Variants in DPP6 observed in about 807,000 individuals in gnomAD.
DPP6 encodes the protein A-type potassium channel modulatory protein DPP6.
A neutral mutation model predicts 122.6 loss-of-function variants in DPP6; 69 were observed. The observed-to-expected ratio is 0.56, with a 90% CI of 0.46 to 0.69. DPP6 has a LOEUF of 0.69. DPP6 is among the 30% of genes least tolerant of loss of function. The probability of loss-of-function intolerance (pLI) is 0.00; values close to 1 mark genes in which losing one functional copy is unlikely to be tolerated. For missense variants in DPP6, 928 were observed against 1,116.9 expected (o/e 0.83, Z 2.41); for synonymous variants, 418 against 433.1 (o/e 0.97, Z 0.43).
intron 7 of DPP6, among the ~76,000 whole-genome samples, chr7:154,672,658 T>C (rs1385230968): frequency 2.0e-5 from 3 of 152,228 alleles, no homozygotes; most frequent in Non-Finnish European, 4.4e-5. Flanking sequence ...TGCTATATAC[T>C]TGTGGAACTT....
intron 1 of DPP6, among the ~76,000 whole-genome samples, chr7:154,283,240 T>C (rs2150953857): frequency 6.6e-6 from 1 of 152,264 alleles, no homozygotes; most frequent in Non-Finnish European, 1.5e-5. Flanking sequence ...AAGCATGAAC[T>C]CTGCAGCCAC....
chr7:153,973,132 A>C (rs941856192), intron 1 of DPP6, among the ~76,000 whole-genome samples: 6 of 151,850 alleles, frequency 4.0e-5, no homozygotes, highest in Non-Finnish European at 5.9e-5. Flanking sequence ...TTTTTTAGTG[A>C]AAAGTGTGGA....
intron 16 of DPP6, among the ~76,000 whole-genome samples, chr7:154,811,966 A>G (rs1335628209): frequency 6.6e-6 from 1 of 152,254 alleles, no homozygotes. Flanking sequence ...TAGGTTGAGG[A>G]TAAATGTACT....
At chr7:153,837,109 T>C in the DPP6 span, among the ~76,000 whole-genome samples, 1 of 152,188 alleles carries the variant, frequency 6.6e-6, no homozygotes, top group East Asian at 1.9e-4. Flanking sequence ...TAGAGTTTCT[T>C]TTTAGATCAT....
intron 6 of DPP6, among the ~76,000 whole-genome samples, chr7:154,661,722 C>T (rs11972592): frequency 3.3e-5 from 2 of 61,216 alleles, no homozygotes; most frequent in African/African-American, 5.7e-5. Context: ...GCATATTGGC[C>T]GTAGTGTTCA....
At chr7:154,537,048 A>G (rs1257841997) in intron 3 of DPP6, among the ~76,000 whole-genome samples, 2 of 152,180 alleles carry the variant, frequency 1.3e-5, no homozygotes, top group African/African-American at 2.4e-5. Flanking sequence ...GTCATATCAA[A>G]CACAAAGGGT....
intron 7 of DPP6, among the ~76,000 whole-genome samples, chr7:154,671,317 A>T (rs1838539315): frequency 6.6e-6 from 1 of 152,186 alleles, no homozygotes; most frequent in Non-Finnish European, 1.5e-5. Context: ...ACAGCTCTGC[A>T]CCTGGCCTCA....
At chr7:154,490,325 T>G (rs1409490762) in intron 3 of DPP6, among the ~76,000 whole-genome samples, 2 of 152,182 alleles carry the variant, frequency 1.3e-5, no homozygotes, top group Non-Finnish European at 2.9e-5. Flanking sequence ...TCCCTCGTGC[T>G]CTCTCAAGAT....
At chr7:154,198,594 G>A (rs879816764) in intron 1 of DPP6, among the ~76,000 whole-genome samples, 17 of 152,242 alleles carry the variant, frequency 1.1e-4, no homozygotes, top group African/African-American at 3.9e-4. Flanking sequence ...GATTACAGGC[G>A]TGAGCCACTG....
intron 4 of DPP6, among the ~76,000 whole-genome samples, chr7:154,547,732 T>C (rs1430922336): frequency 6.6e-6 from 1 of 152,214 alleles, no homozygotes; most frequent in Admixed American, 6.5e-5. Context: ...CATTATTTCA[T>C]TTTTCTCCTG....
chr7:154,694,168 G>A (rs10271087), intron 7 of DPP6, among the ~76,000 whole-genome samples: 138,746 of 152,152 alleles, frequency 0.91, 63,775 homozygotes, highest in South Asian at 1. Flanking sequence ...GTTGTCTTTT[G>A]TAAGGGCACT....
Position 154,795,829 on chromosome 7 carries a change from T to G in DPP6, c.1261-16T>G, listed in dbSNP as rs368117801. 5.0e-6 allele frequency: 8 copies of G among 1,607,444 alleles called. No homozygotes were observed. The highest frequency in any genetic ancestry group is 6.8e-6 in the Non-Finnish European group (8 of 1,177,446). The stretch of plus-strand genomic sequence containing the variant: ...AAAGAAAAACCCTCTTGTCTAATGC[T>G]CTCATTTCATTTCAGAAACACGAGG... On this transcript the variant is annotated splice_polypyrimidine_tract_variant and intron_variant, in intron 11 of 25. Transcript: ENST00000377770.
intron 1 of DPP6, among the ~76,000 whole-genome samples, chr7:154,108,939 A>G (rs7779774): frequency 0.058 from 8,794 of 152,246 alleles, 815 homozygotes; most frequent in African/African-American, 0.2. Flanking sequence ...AAGTGTGAAA[A>G]TGTTCTTTTT....
At position 154,241,085 on chromosome 7, in the gene DPP6, GAAAA is replaced by G. The variant is rs61463735; in HGVS notation, c.243+188023_243+188026del. On this transcript the variant is annotated intron_variant, in intron 1 of 25. Coordinates refer to ENST00000377770, the MANE Select transcript of DPP6 (RefSeq NM_130797.4). This position sits in a 1 kb window ranked among gnomAD's most constrained non-coding sequence, Gnocchi z 9.0. ...AAGTTCCGTTGATAAATAAATTGAT[GAAAA>G]CCTTTTTTCTTACCATGTAACCACA... Among the ~76,000 whole-genome samples the G allele has an allele frequency of 8.5e-3, 1,299 of 152,040 alleles. 26 individuals are homozygous for G. Among genetic ancestry groups the G allele is most frequent in the African/African-American group, 0.03 (1,239 of 41,458 alleles).
the DPP6 span, among the ~76,000 whole-genome samples, chr7:153,755,017 GTGT>G: frequency 6.6e-6 from 1 of 151,846 alleles, no homozygotes; most frequent in African/African-American, 2.4e-5. Flanking sequence ...GAATTGGTCT[GTGT>G]TGACTGTATT....
At chr7:154,661,787 G>A (rs1447105768) in intron 6 of DPP6, among the ~76,000 whole-genome samples, 2 of 140,938 alleles carry the variant, frequency 1.4e-5, no homozygotes, top group African/African-American at 5.4e-5. Flanking sequence ...CGCAGTCATG[G>A]TGAATCACCA....
intron 1 of DPP6, among the ~76,000 whole-genome samples, chr7:153,962,247 A>G (rs939389014): frequency 6.6e-6 from 1 of 152,096 alleles, no homozygotes; most frequent in Non-Finnish European, 1.5e-5. Flanking sequence ...TAGTCCTGTG[A>G]AACGGTGTTT....
chr7:154,801,901 A>T (rs1335972903), intron 13 of DPP6, among the ~76,000 whole-genome samples: 1 of 151,960 alleles, frequency 6.6e-6, no homozygotes, highest in Non-Finnish European at 1.5e-5. Context: ...TGCAGGTATT[A>T]TTTTATTATG....
rs191406326 is a variant in DPP6, at chr7:154,349,906, A to G, written c.244-96308A>G. The stretch of plus-strand genomic sequence containing the variant: ...AACAAATTTTCAGACTCACTTATGT[A>G]TTTTTCACATGGGTAATCCTTTGAG... On this transcript the variant is annotated intron_variant, in intron 1 of 25. Transcript: ENST00000377770. Among the ~76,000 whole-genome samples, 141 of 152,312 alleles carry G rather than the reference A, an allele frequency of 9.3e-4. 1 individual carries two copies. Among genetic ancestry groups the G allele is most frequent in the African/African-American group, 3.2e-3 (132 of 41,568 alleles).
Sources: gnomAD v4.1 joint callset for allele counts (sites outside exome capture counted in the v4.1 genomes callset) on GRCh38, gnomAD v4.1.1 for gene constraint, Gnocchi (gnomAD v3.1) non-coding constraint, MANE v1.5 for transcripts, NCBI Gene and HGNC (gene_info 2026-07-23, HGNC 2026-07-21) for gene names.